Variants in CYTH1 observed in about 807,000 individuals in gnomAD.
CYTH1 encodes cytohesin-1.
A neutral mutation model predicts 61.8 loss-of-function variants in CYTH1; 18 were observed. The ratio of observed to expected loss-of-function variants is 0.29; its 90% CI spans 0.20 to 0.43. CYTH1 has a LOEUF of 0.43. CYTH1 is among the 20% of genes least tolerant of loss of function. CYTH1 has a pLI of 1.00. For synonymous variants in CYTH1, 174 were observed against 184.3 expected (o/e 0.94, Z 0.45); for missense variants, 336 against 510.5 (o/e 0.66, Z 3.29).
chr17:78,683,046 T>C (rs1293254692), intron 11 of CYTH1, among the ~76,000 whole-genome samples: 1 of 152,264 alleles, frequency 6.6e-6, no homozygotes, highest in Non-Finnish European at 1.5e-5. Context: ...CTCTGCCTTT[T>C]TATTCTTTCT....
At chr17:78,702,017 T>C in intron 5 of CYTH1, 105 bp downstream of exon 5, 2 of 1,007,664 alleles carry the variant, frequency 2.0e-6, no homozygotes, top group South Asian at 2.9e-5. Flanking sequence ...ACAGATGCTT[T>C]AAGGCAAAAA....
chr17:78,702,274 T>C, intron 4 of CYTH1, 34 bp from the exon 5 acceptor site: 1 of 1,553,062 alleles, frequency 6.4e-7, no homozygotes. Flanking sequence ...CAATGATGCT[T>C]TGCTGGGAAA....
chr17:78,780,237 G>A (rs1183614189), intron 1 of CYTH1, among the ~76,000 whole-genome samples: 1 of 152,250 alleles, frequency 6.6e-6, no homozygotes, highest in Non-Finnish European at 1.5e-5. Context: ...ACAAAAGGAG[G>A]CTGGGAGCAG....
intron 3 of CYTH1, among the ~76,000 whole-genome samples, chr17:78,702,863 G>GT (rs1234520690): frequency 2.0e-5 from 3 of 151,988 alleles, no homozygotes; most frequent in African/African-American, 7.2e-5. Context: ...CTCTCTGTCT[G>GT]AAGGCTGAAG....
At chr17:78,780,649 C>T (rs2144791034) in intron 1 of CYTH1, among the ~76,000 whole-genome samples, 1 of 152,240 alleles carries the variant, frequency 6.6e-6, no homozygotes, top group South Asian at 2.1e-4. Flanking sequence ...GGTGGGAGGA[C>T]TGCTTGGGTC....
chr17:78,749,194 A>T (rs1191813013), intron 1 of CYTH1, among the ~76,000 whole-genome samples: 1 of 152,100 alleles, frequency 6.6e-6, no homozygotes, highest in Admixed American at 6.5e-5. Flanking sequence ...TTGAGCCCAA[A>T]AGTCTGAGAC....
chr17:78,755,621 G>T (rs1403822162), intron 1 of CYTH1, among the ~76,000 whole-genome samples: 1 of 152,064 alleles, frequency 6.6e-6, no homozygotes, highest in African/African-American at 2.4e-5. Context: ...TGGTTGCCTG[G>T]GGCCGGGGTA....
intron 1 of CYTH1, among the ~76,000 whole-genome samples, chr17:78,721,411 T>C (rs916600959): frequency 7.2e-5 from 11 of 152,372 alleles, no homozygotes; most frequent in Middle Eastern, 6.8e-3. Flanking sequence ...AGAAATGGTA[T>C]TCAACATAGA....
intron 1 of CYTH1, among the ~76,000 whole-genome samples, chr17:78,759,263 C>A (rs532469157): frequency 6.6e-6 from 1 of 152,208 alleles, no homozygotes; most frequent in African/African-American, 2.4e-5. Context: ...AAGGTACTCT[C>A]CAAAGACACT....
chr17:78,746,099 A>C (rs983821534), intron 1 of CYTH1, among the ~76,000 whole-genome samples: 1 of 152,162 alleles, frequency 6.6e-6, no homozygotes, highest in African/African-American at 2.4e-5. Context: ...GGCTTCTACT[A>C]TACAGGCAGA....
chr17:78,698,849 C>G lies in CYTH1; in HGVS notation c.670G>C (p.Gly224Arg). 6.3e-7 allele frequency: 1 copy of G among 1,595,732 alleles called. No homozygotes were observed. The highest frequency in any genetic ancestry group is 8.5e-7 in the Non-Finnish European group (1 of 1,174,892). The stretch of plus-strand genomic sequence containing the variant: ...AGGAGCTCCTCCGGCAGGTCTCCCC[C>G]ATCATTGATGCCTCGGTTCATGGCA... ...FIAMNRGINDGGDLPEELLRN... is the reference protein window; with the variant it reads ...FIAMNRGINDRGDLPEELLRN... The change falls in exon 8 of 14, where the codon GGG (glycine) becomes CGG (arginine). Residue 224 changes from glycine to arginine, a missense_variant. Physicochemically the swap from Gly to Arg is moderately radical, Grantham distance 125. This residue lies in a region of CYTH1 where 125 missense variants were observed against 209.9 expected (regional missense o/e 0.60). Coordinates refer to ENST00000446868, the MANE Select transcript of CYTH1 (RefSeq NM_004762.6).
intron 2 of CYTH1, among the ~76,000 whole-genome samples, chr17:78,708,498 C>T (rs888396297): frequency 2.6e-5 from 4 of 152,210 alleles, no homozygotes; most frequent in African/African-American, 9.7e-5. Context: ...CAGCCTCTGA[C>T]CTCAAGGAGT....
chr17:78,740,634 C>A (rs1464535257), intron 1 of CYTH1, among the ~76,000 whole-genome samples: 1 of 152,168 alleles, frequency 6.6e-6, no homozygotes, highest in Non-Finnish European at 1.5e-5. Context: ...CTCATGTCTC[C>A]AATTCCTTAA....
chr17:78,713,937 T>C (rs539268815), intron 1 of CYTH1, among the ~76,000 whole-genome samples: 19 of 152,350 alleles, frequency 1.2e-4, no homozygotes, highest in South Asian at 6.2e-4. Flanking sequence ...CTAGCTTCTG[T>C]ATTATAAATT....
At position 78,700,332 on chromosome 17, in the gene CYTH1, C is replaced by T. The variant is rs542336234; in HGVS notation, c.549G>A (p.Thr183=). Residue 183 remains threonine (T), a splice_region_variant and synonymous_variant, in exon 7 of 14, where the codon ACG becomes ACA. Transcript: ENST00000446868. The surrounding 1 kb of genome is among the most constrained non-coding windows in gnomAD (Gnocchi z 5.1). The part of the protein sequence containing the change: ...CQCNNGVFQS[T]DTCYVLSFAI... ...ACTAGGATGAATGATCGTATTTACC[C>T]GTGGACTGGAACACGCCATTATTGC... is the stretch of plus-strand genomic sequence containing the variant. The T allele has an allele frequency of 2.2e-5, 35 of 1,607,542 alleles. No homozygotes were observed. The South Asian group carries it at 2.3e-4, about 11-fold the overall frequency.
chr17:78,758,377 A>G (rs1278669934), intron 1 of CYTH1, among the ~76,000 whole-genome samples: 2 of 152,190 alleles, frequency 1.3e-5, no homozygotes, highest in Non-Finnish European at 1.5e-5. Context: ...ATTGAGGAGA[A>G]GAAGCCTGGC....
chr17:78,709,432 G>T, intron 2 of CYTH1: 2 of 521,884 alleles, frequency 3.8e-6, no homozygotes, highest in Non-Finnish European at 6.7e-6. Flanking sequence ...CCGACCAACT[G>T]GGTGAACCTG....
At chr17:78,738,114 T>C (rs374784053) in intron 1 of CYTH1, among the ~76,000 whole-genome samples, 6 of 152,172 alleles carry the variant, frequency 3.9e-5, no homozygotes, top group Admixed American at 1.3e-4. Flanking sequence ...ATTATCTCCA[T>C]AGAAAAAAAT....
chr17:78,749,222 G>A (rs529047132), intron 1 of CYTH1, among the ~76,000 whole-genome samples: 2 of 152,256 alleles, frequency 1.3e-5, no homozygotes, highest in South Asian at 4.1e-4. Context: ...CACTTTGGGA[G>A]GCGAAGGCAG....
Sources: gnomAD v4.1 joint callset for allele counts (sites outside exome capture counted in the v4.1 genomes callset) on GRCh38, gnomAD v4.1.1 for gene constraint, gnomAD v4.1.1 regional missense constraint, Gnocchi (gnomAD v3.1) non-coding constraint, MANE v1.5 for transcripts, NCBI Gene and HGNC (gene_info 2026-07-23, HGNC 2026-07-21) for gene names.